DSC2: variants seen among roughly 807,000 people sequenced by gnomAD.
DSC2 encodes desmocollin-2.
In DSC2, 51 loss-of-function variants were observed where a neutral mutation model predicts 87.6. The ratio of observed to expected loss-of-function variants is 0.58; its 90% CI spans 0.46 to 0.74. The LOEUF is 0.74. Ranked by LOEUF, DSC2 falls within the 30% of genes least tolerant of loss-of-function variation. DSC2 has a pLI of 0.00. For synonymous variants in DSC2, 383 were observed against 393.2 expected (o/e 0.97, Z 0.31); for missense variants, 1,066 against 1,089.5 (o/e 0.98, Z 0.30).
At chr18:31,101,730 A>T in intron 1 of DSC2, 173 bp downstream of exon 1, 1 of 661,874 alleles carries the variant, frequency 1.5e-6, no homozygotes, top group Non-Finnish European at 2.5e-6. Context: ...TCAGGTCGCG[A>T]TCCTCTTCCT....
chr18:31,076,776 A>T (rs1987030919), intron 11 of DSC2, among the ~76,000 whole-genome samples: 1 of 152,216 alleles, frequency 6.6e-6, no homozygotes, highest in Admixed American at 6.5e-5. Flanking sequence ...AATATAAAAA[A>T]ATCCACGGCA....
chr18:31,101,286 T>TC (rs1450160246), intron 1 of DSC2: 24 of 885,830 alleles, frequency 2.7e-5, no homozygotes, highest in African/African-American at 7.8e-5. Flanking sequence ...ACCCGCCACT[T>TC]CCCCCCGCCC....
At position 31,071,824 on chromosome 18, in the gene DSC2, A is replaced by C. The variant is rs1191039477; in HGVS notation, c.1906T>G (p.Ser636Ala). 1 of 1,613,470 alleles carries C rather than the reference A, an allele frequency of 6.2e-7. No individual in the cohort carries two copies. The highest frequency in any genetic ancestry group is 8.5e-7 in the Non-Finnish European group (1 of 1,179,612). The change falls in exon 13 of 16, where the codon TCC becomes GCC. Residue 636 changes from serine to alanine, a missense_variant. Transcript: ENST00000280904. ...KAINDTAARL[S>A]YQNDPPFGSY... ...CCAAATGGAGGATCATTCTGATAGG[A>C]AAGACGTGCTGCTGTATCTGAAAAT... is the stretch of plus-strand genomic sequence containing the variant.
rs201039801 is a variant in DSC2, at chr18:31,070,714, C to A, written c.2250+12G>T. ...CATCCTTTGTATTTATTTAAAAAGC[C>A]AGACTACTTACCACTTTGTCATCTC... On this transcript the variant is annotated intron_variant, in intron 14 of 15. Coordinates refer to ENST00000280904, the MANE Select transcript of DSC2 (RefSeq NM_024422.6). 141 of 1,613,322 alleles carry A rather than the reference C, an allele frequency of 8.7e-5. No individual in the cohort carries two copies. The Middle Eastern group carries it at 3.9e-3, about 45-fold the overall frequency.
rs750877809 is a variant in DSC2 at position 31,068,876 on chromosome 18, C to A, written c.2508+18G>T. 6.2e-7 allele frequency: 1 copy of A among 1,612,490 alleles called. No homozygotes were observed. The highest frequency in any genetic ancestry group is 1.1e-5 in the South Asian group (1 of 91,014). ...AAGAAAATTAAAATAGATTTGTAGG[C>A]CACTTAGGAAAACTCACTTCACCAA... On this transcript the variant is annotated intron_variant, in intron 15 of 15. Coordinates refer to ENST00000280904, the MANE Select transcript of DSC2 (RefSeq NM_024422.6).
chr18:31,094,475 C>A (rs1197653981), intron 1 of DSC2, among the ~76,000 whole-genome samples: 1 of 152,092 alleles, frequency 6.6e-6, no homozygotes, highest in Non-Finnish European at 1.5e-5. Context: ...TGAACCAAGT[C>A]CAATGCAACA....
chr18:31,071,318 G>A (rs141734621), intron 13 of DSC2, among the ~76,000 whole-genome samples: 4 of 152,042 alleles, frequency 2.6e-5, no homozygotes, highest in Admixed American at 1.3e-4. Context: ...AGGCCGAGGT[G>A]GGGGGATCAC....
intron 5 of DSC2, 134 bp from the exon 6 acceptor site, chr18:31,087,947 G>C (rs1016719736): frequency 3.4e-5 from 30 of 879,652 alleles, no homozygotes; most frequent in Non-Finnish European, 5.4e-5. Context: ...TATTGTTCTG[G>C]GATATGGATA....
chr18:31,080,239 A>G lies in DSC2; in HGVS notation c.1377T>C (p.Thr459=), dbSNP rs756684316. ...CCTCATCCTGATCTTCTACATTAAC[A>G]GTAACTGTTGCTGTGCTCATGGCTG... ...PRSAMSTATV[T]VNVEDQDEGP... The change falls in exon 10 of 16, where the codon ACT becomes ACC. Residue 459 remains threonine (T), a synonymous_variant. Transcript: ENST00000280904. 2 of 1,614,098 alleles carry G rather than the reference A, an allele frequency of 1.2e-6. No homozygotes were observed. The highest frequency in any genetic ancestry group is 1.7e-6 in the Non-Finnish European group (2 of 1,179,994).
rs1598569474 is a variant in DSC2, at chr18:31,068,180, G to A, written c.2541C>T (p.His847=). The A allele has an allele frequency of 6.2e-7, 1 of 1,614,066 alleles. No individual in the cohort carries two copies. Among genetic ancestry groups the A allele is most frequent in the Non-Finnish European group, 8.5e-7 (1 of 1,179,982 alleles). ...TCAGGACATAGTCTTGGGCATGCTT[G>A]TGATTTTCATCTTGATTACACAGAT... ...KVYLCNQDEN[H]KHAQDYVLTY... Residue 847 remains histidine (H), a synonymous_variant, in exon 16 of 16, where the codon CAC becomes CAT. Coordinates refer to ENST00000280904, the MANE Select transcript of DSC2 (RefSeq NM_024422.6).
chr18:31,083,730 C>A (rs1342344990), intron 7 of DSC2, among the ~76,000 whole-genome samples: 3 of 152,062 alleles, frequency 2.0e-5, no homozygotes, highest in Non-Finnish European at 4.4e-5. Flanking sequence ...AAAATAGAAT[C>A]TGGCTCTTAA....
At position 31,066,785 on chromosome 18, in the gene DSC2, A is replaced by G. The variant is rs1265191260; in HGVS notation, c.*1230T>C. ...AAAATATTAAAAAAATAACTTTACAAACACACAGATATGACTAGCCATTTT... is the reference window on the plus strand; with the variant it reads ...AAAATATTAAAAAAATAACTTTACAGACACACAGATATGACTAGCCATTTT... On this transcript the variant is annotated 3_prime_UTR_variant, in exon 16 of 16. Transcript: ENST00000280904. 6.6e-6 allele frequency: 1 copy of G among 152,126 alleles called. No individual in the cohort carries two copies. The highest frequency in any genetic ancestry group is 1.5e-5 in the Non-Finnish European group (1 of 68,000). The allele number at this position is 152,126 out of a possible 1,614,324, so 9.4% of individuals were successfully genotyped here. A position where few individuals can be genotyped will look rare whatever the true frequency, so the allele number is the denominator to read the frequency against.
In DSC2 at chr18:31,070,690, A is replaced by T. The variant is rs1266596105; in HGVS notation, c.2250+36T>A. 10 of 1,612,376 alleles carry T rather than the reference A, an allele frequency of 6.2e-6. No homozygotes were observed. The South Asian group carries it at 1.1e-4, about 18-fold the overall frequency. ...AGGAATACGCATTATAAGCGAATTC[A>T]TCCTTTGTATTTATTTAAAAAGCCA... On this transcript the variant is annotated intron_variant, in intron 14 of 15. Transcript: ENST00000280904.
Position 31,089,876 on chromosome 18 carries a change from C to T in DSC2, c.475-282G>A, listed in dbSNP as rs1612474. ...ATACATGGAAAAAACACTTAAGACT[C>T]TTCCTGTCTTAGAAAACAAAGTATT... On this transcript the variant is annotated intron_variant, in intron 4 of 15. Transcript: ENST00000280904. 0.4 allele frequency among the ~76,000 whole-genome samples: 60,034 copies of T among 151,982 alleles called. 13,093 individuals are homozygous for T. The highest frequency in any genetic ancestry group is 0.56 in the East Asian group (2,905 of 5,156).
rs955240818 is a variant in DSC2 at position 31,063,275 on chromosome 18, G to A, written c.*4740C>T. 7.3e-5 allele frequency: 11 copies of A among 149,848 alleles called. No individual in the cohort carries two copies. The highest frequency in any genetic ancestry group is 1.5e-4 in the Non-Finnish European group (10 of 67,914). The allele number at this position is 149,848 out of a possible 1,614,324, so 9.3% of individuals were successfully genotyped here. A position where few individuals can be genotyped will look rare whatever the true frequency, so the allele number is the denominator to read the frequency against. On this transcript the variant is annotated 3_prime_UTR_variant, in exon 16 of 16. Transcript: ENST00000280904. The stretch of plus-strand genomic sequence containing the variant: ...GAACCTGGGAGGCAGAGGTTGCAGT[G>A]AGCCATGATCATGCCACTGCACTCC...
At chr18:31,090,568 G>A (rs1348510014) in intron 4 of DSC2, among the ~76,000 whole-genome samples, 1 of 151,888 alleles carries the variant, frequency 6.6e-6, no homozygotes, top group Non-Finnish European at 1.5e-5. Flanking sequence ...CAAAAAAAAA[G>A]AAACAAAAAG....
Position 31,063,187 on chromosome 18 carries a change from C to T in DSC2, c.*4828G>A, listed in dbSNP as rs1016982258. 1.3e-5 allele frequency: 2 copies of T among 151,952 alleles called. No homozygotes were observed. Among genetic ancestry groups the T allele is most frequent in the Non-Finnish European group, 2.9e-5 (2 of 68,004 alleles). 9.4% of individuals were successfully genotyped at this position (151,952 alleles called of 1,614,324 possible). A position where few individuals can be genotyped will look rare whatever the true frequency, so the allele number is the denominator to read the frequency against. Reference sequence around the variant, plus strand: ...CTCTGCTAAAAATACAAAAATTAACCAGGCGTGGTGGTAGGTGCCTGTAAT... The same window carrying T: ...CTCTGCTAAAAATACAAAAATTAACTAGGCGTGGTGGTAGGTGCCTGTAAT... On this transcript the variant is annotated 3_prime_UTR_variant, in exon 16 of 16. Coordinates refer to ENST00000280904, the MANE Select transcript of DSC2 (RefSeq NM_024422.6).
chr18:31,090,961 A>G (rs1289716515), intron 4 of DSC2, 67 bp downstream of exon 4: 2 of 1,599,680 alleles, frequency 1.3e-6, no homozygotes, highest in Admixed American at 3.3e-5. Flanking sequence ...ATAACTTCAT[A>G]CTCAGTGTCA....
intron 12 of DSC2, among the ~76,000 whole-genome samples, chr18:31,073,403 A>G (rs373357326): frequency 4.9e-5 from 7 of 141,846 alleles, no homozygotes; most frequent in African/African-American, 1.3e-4. Flanking sequence ...ACACACACAC[A>G]CGCACACACA....
Sources: gnomAD v4.1 joint callset for allele counts (sites outside exome capture counted in the v4.1 genomes callset) on GRCh38, gnomAD v4.1.1 for gene constraint, MANE v1.5 for transcripts, NCBI Gene and HGNC (gene_info 2026-07-23, HGNC 2026-07-21) for gene names.